BEAN1: variants seen among roughly 807,000 people sequenced by gnomAD.
BEAN1 encodes the protein protein BEAN1.
A neutral mutation model predicts 17.7 loss-of-function variants in BEAN1; 17 were observed. That is an observed-to-expected ratio of 0.96 (90% CI 0.66 to 1.44). The LOEUF is 1.44. Among genes scored for constraint, BEAN1 ranks in the 40% most tolerant of loss-of-function variants. BEAN1 has a pLI of 0.00. For synonymous variants in BEAN1, 142 were observed against 151.8 expected (o/e 0.94, Z 0.47); for missense variants, 359 against 374.1 (o/e 0.96, Z 0.33).
At chr16:66,472,863 A>C (rs1053141434) in intron 3 of BEAN1, among the ~76,000 whole-genome samples, 39 of 151,894 alleles carry the variant, frequency 2.6e-4, no homozygotes, top group African/African-American at 9.2e-4. Context: ...CTACAAAAAA[A>C]ATGTAAAAAT....
At chr16:66,435,310 C>T (rs1961971259) in intron 1 of BEAN1, among the ~76,000 whole-genome samples, 1 of 152,176 alleles carries the variant, frequency 6.6e-6, no homozygotes, top group South Asian at 2.1e-4. Context: ...TTTCCCTGAG[C>T]CTGTTCTCTC....
intron 2 of BEAN1, among the ~76,000 whole-genome samples, chr16:66,461,033 G>A (rs930943321): frequency 3.9e-5 from 6 of 152,150 alleles, no homozygotes; most frequent in Admixed American, 1.3e-4. Context: ...CTGGCATTGG[G>A]GGGGAGGTGG....
At chr16:66,463,489 T>C (rs1364414731) in intron 2 of BEAN1, among the ~76,000 whole-genome samples, 1 of 152,182 alleles carries the variant, frequency 6.6e-6, no homozygotes, top group Non-Finnish European at 1.5e-5. Context: ...TTTAATTGGG[T>C]TGTCTTTTTA....
intron 2 of BEAN1, among the ~76,000 whole-genome samples, chr16:66,454,761 G>A (rs1231169938): frequency 7.3e-5 from 7 of 95,864 alleles, no homozygotes. Context: ...CTTTGGGTTT[G>A]GTTTTTTATT....
chr16:66,477,745 G>GGGGA, intron 4 of BEAN1, 35 bp downstream of exon 4: 1 of 1,507,526 alleles, frequency 6.6e-7, no homozygotes, highest in Non-Finnish European at 8.9e-7. Context: ...GGCATCAGAG[G>GGGGA]ATGGGGCCCT....
At chr16:66,431,346 A>G (rs1961791683) in intron 1 of BEAN1, among the ~76,000 whole-genome samples, 1 of 152,236 alleles carries the variant, frequency 6.6e-6, no homozygotes, top group Non-Finnish European at 1.5e-5. Flanking sequence ...TGACTTATTC[A>G]CTTAATTGCT....
chr16:66,461,032 G>T (rs926290710), intron 2 of BEAN1, among the ~76,000 whole-genome samples: 3 of 152,234 alleles, frequency 2.0e-5, no homozygotes, highest in South Asian at 4.1e-4. Flanking sequence ...GCTGGCATTG[G>T]GGGGGAGGTG....
intron 4 of BEAN1, among the ~76,000 whole-genome samples, chr16:66,492,508 G>C (rs1597060922): frequency 6.6e-6 from 1 of 151,352 alleles, no homozygotes; most frequent in Admixed American, 6.6e-5. Context: ...GGTGCAATCT[G>C]TCCTCACTGC....
Position 66,469,686 on chromosome 16 carries a change from T to C in BEAN1, c.110T>C (p.Leu37Pro). 6.5e-7 allele frequency: 1 copy of C among 1,536,080 alleles called. No individual in the cohort carries two copies. Among genetic ancestry groups the C allele is most frequent in the South Asian group, 1.2e-5 (1 of 84,062 alleles). ...AGCCATCTGCTCGTGTCCCCCGTGC[T>C]GGTGGCGAGTGCCGTCATAGGTGTG... ...EHSHLLVSPV[L>P]VASAVIGVVI... is the part of the protein sequence containing the mutation. Residue 37 changes from leucine (L) to proline (P), a missense_variant, in exon 3 of 5, where the codon CTG (leucine) becomes CCG (proline). Coordinates refer to ENST00000536005, the MANE Select transcript of BEAN1 (RefSeq NM_001178020.3).
intron 2 of BEAN1, among the ~76,000 whole-genome samples, chr16:66,458,649 C>T (rs1258046127): frequency 6.8e-6 from 1 of 147,628 alleles, no homozygotes; most frequent in Non-Finnish European, 1.5e-5. Flanking sequence ...TCAGATAAAC[C>T]TGAGTTCAAA....
At position 66,479,387 on chromosome 16, in the gene BEAN1, G is replaced by A. The variant is rs369529182; in HGVS notation, c.441-1199G>A. Reference sequence around the variant, plus strand: ...AGAGGGTTGGGTTGGCCTCAGGCACGAGGGGATGCCCCAGCTGCAGGCCTC... The same window carrying A: ...AGAGGGTTGGGTTGGCCTCAGGCACAAGGGGATGCCCCAGCTGCAGGCCTC... On this transcript the variant is annotated intron_variant, in intron 4 of 4. Coordinates refer to ENST00000536005, the MANE Select transcript of BEAN1 (RefSeq NM_001178020.3). Among the ~76,000 whole-genome samples, 654 of 152,208 alleles carry A rather than the reference G, an allele frequency of 4.3e-3. 3 individuals are homozygous for A. The highest frequency in any genetic ancestry group is 0.017 in the Middle Eastern group (5 of 294).
intron 2 of BEAN1, among the ~76,000 whole-genome samples, chr16:66,451,907 A>G (rs1289751696): frequency 6.6e-6 from 1 of 152,228 alleles, no homozygotes; most frequent in African/African-American, 2.4e-5. Flanking sequence ...ATCCTTTTCC[A>G]GAGACCCTAG....
intron 2 of BEAN1, among the ~76,000 whole-genome samples, chr16:66,451,859 C>G (rs566741366): frequency 6.6e-6 from 1 of 152,172 alleles, no homozygotes; most frequent in Admixed American, 6.5e-5. Context: ...CAAAGGAACT[C>G]GGGACTTTGG....
chr16:66,439,194 C>A (rs1049465381), intron 2 of BEAN1, among the ~76,000 whole-genome samples: 2 of 152,116 alleles, frequency 1.3e-5, no homozygotes, highest in African/African-American at 4.8e-5. Flanking sequence ...GAGTAGTGTC[C>A]AGAGGGTGGT....
At chr16:66,437,746 G>C (rs1405467655) in intron 2 of BEAN1, 45 bp downstream of exon 2, 1 of 1,518,116 alleles carries the variant, frequency 6.6e-7, no homozygotes, top group African/African-American at 1.4e-5. Flanking sequence ...GGCCAGGCAA[G>C]GGCAGAGCTT....
At chr16:66,474,655 T>G (rs1325738909) in intron 3 of BEAN1, among the ~76,000 whole-genome samples, 968 of 38,960 alleles carry the variant, frequency 0.025, no homozygotes, top group Middle Eastern at 0.037. Flanking sequence ...GGAGGGGAAA[T>G]AGAGAAGAGA....
intron 4 of BEAN1, among the ~76,000 whole-genome samples, chr16:66,492,079 T>C (rs1964182381): frequency 6.6e-6 from 1 of 152,178 alleles, no homozygotes; most frequent in African/African-American, 2.4e-5. Flanking sequence ...TCTTGCTCTG[T>C]CACCCAGGCT....
rs543479562 is a variant in BEAN1, at chr16:66,440,860, G to T, written c.25+3159G>T. Among the ~76,000 whole-genome samples, 8 of 152,242 alleles carry T rather than the reference G, an allele frequency of 5.3e-5. 1 individual carries two copies. The South Asian group carries it at 1.7e-3, about 32-fold the overall frequency. On this transcript the variant is annotated intron_variant, in intron 2 of 4. Transcript: ENST00000536005. ...CTCTAGGCCAGCTTTGCTTGATTTT[G>T]CTGTATTGGTTTGGGGCGCTCAAGT...
chr16:66,492,352 T>C (rs1293800265), intron 4 of BEAN1, among the ~76,000 whole-genome samples: 1 of 150,290 alleles, frequency 6.7e-6, no homozygotes, highest in Non-Finnish European at 1.5e-5. Flanking sequence ...CCTACCAGAG[T>C]TTTAATTTCT....
Sources: gnomAD v4.1 joint callset for allele counts (sites outside exome capture counted in the v4.1 genomes callset) on GRCh38, gnomAD v4.1.1 for gene constraint, MANE v1.5 for transcripts, NCBI Gene and HGNC (gene_info 2026-07-23, HGNC 2026-07-21) for gene names.